Variants in SMG6 observed in about 807,000 individuals in gnomAD.
The protein encoded by SMG6 is SMG6 nonsense mediated mRNA decay factor.
SMG6 carries 66 observed loss-of-function variants against 142.2 expected under a neutral mutation model. That is an observed-to-expected ratio of 0.46 (90% CI 0.38 to 0.57). The LOEUF is 0.57. Ranked by LOEUF, SMG6 falls within the 20% of genes least tolerant of loss-of-function variation. SMG6 has a pLI of 0.00. For missense variants in SMG6, 1,793 were observed against 1,832.0 expected (o/e 0.98, Z 0.39); for synonymous variants, 779 against 702.4 (o/e 1.11, Z -1.72).
intron 4 of SMG6, among the ~76,000 whole-genome samples, chr17:2,293,541 C>T (rs2075085785): frequency 6.6e-6 from 1 of 152,130 alleles, no homozygotes; most frequent in Admixed American, 6.5e-5. Context: ...GTGATCTCAG[C>T]TCACTGCAAC....
intron 8 of SMG6, among the ~76,000 whole-genome samples, chr17:2,256,362 C>T (rs530093886): frequency 2.6e-5 from 4 of 152,056 alleles, no homozygotes; most frequent in Admixed American, 2.6e-4. Context: ...GATTGTCATT[C>T]CACACTTGGA....
At chr17:2,137,686 ATGGGACT>A (rs1270271657) in intron 13 of SMG6, among the ~76,000 whole-genome samples, 1 of 152,146 alleles carries the variant, frequency 6.6e-6, no homozygotes, top group African/African-American at 2.4e-5. Flanking sequence ...AGAAAGCGCC[ATGGGACT>A]AGGTCTTGAG....
intron 10 of SMG6, among the ~76,000 whole-genome samples, chr17:2,221,812 C>T (rs181912305): frequency 1.3e-5 from 2 of 152,258 alleles, no homozygotes; most frequent in African/African-American, 4.8e-5. Flanking sequence ...GGGGTGATCT[C>T]GGCTCACTGC....
chr17:2,258,032 A>ATGT (rs1567724395), intron 8 of SMG6, among the ~76,000 whole-genome samples: 1 of 111,352 alleles, frequency 9.0e-6, no homozygotes, highest in Admixed American at 1.1e-4. Flanking sequence ...AAAAAAAAAA[A>ATGT]AAATATACAC....
At chr17:2,247,428 GA>G (rs2073950261) in intron 8 of SMG6, among the ~76,000 whole-genome samples, 1 of 152,138 alleles carries the variant, frequency 6.6e-6, no homozygotes, top group Non-Finnish European at 1.5e-5. Flanking sequence ...TTCATAATCA[GA>G]AGGAATCCCT....
chr17:2,115,516 A>T (rs1488534908), intron 13 of SMG6, among the ~76,000 whole-genome samples: 3 of 152,198 alleles, frequency 2.0e-5, no homozygotes, highest in African/African-American at 4.8e-5. Context: ...TTGGGGAAGA[A>T]GATACAGTAT....
chr17:2,282,508 G>GA, intron 8 of SMG6, 139 bp downstream of exon 8: 1 of 760,714 alleles, frequency 1.3e-6, no homozygotes, highest in Non-Finnish European at 2.2e-6. Context: ...CATGAGAAGG[G>GA]AAAAGACCAT....
intron 8 of SMG6, among the ~76,000 whole-genome samples, chr17:2,257,282 C>T (rs2074206407): frequency 6.6e-6 from 1 of 152,000 alleles, no homozygotes; most frequent in South Asian, 2.1e-4. Context: ...GACGGGATTT[C>T]ACCACGTTGG....
chr17:2,061,089 T>C lies in SMG6; in HGVS notation c.*403A>G, dbSNP rs1460857026. The C allele has an allele frequency of 5.8e-6, 1 of 173,620 alleles. No individual in the cohort carries two copies. The highest frequency in any genetic ancestry group is 1.3e-5 in the Non-Finnish European group (1 of 79,860). 10.8% of individuals were successfully genotyped at this position (173,620 alleles called of 1,614,324 possible). ...GAAAGGGAACTGTGATTTCACTGCA[T>C]CTGACGGAAACTCAGAACCCCTGCC... On this transcript the variant is annotated 3_prime_UTR_variant, in exon 19 of 19. Coordinates refer to ENST00000263073, the MANE Select transcript of SMG6 (RefSeq NM_017575.5).
At position 2,065,650 on chromosome 17, in the gene SMG6, C is replaced by G; in HGVS notation, c.3865G>C (p.Gly1289Arg). The change falls in exon 17 of 19, where the codon GGG (glycine) becomes CGG (arginine). Residue 1289 changes from glycine (G) to arginine (R), a missense_variant. Transcript: ENST00000263073. ...VINELDGLAK[G>R]QETDHRAGGY... is the part of the protein sequence containing the mutation. The stretch of plus-strand genomic sequence containing the variant: ...CCAGCCCGGTGGTCTGTCTCCTGCC[C>G]CTTGGCCAGGCCGTCCAGCTCATTG... 6.2e-7 allele frequency: 1 copy of G among 1,613,564 alleles called. No homozygotes were observed. Among genetic ancestry groups the G allele is most frequent in the Non-Finnish European group, 8.5e-7 (1 of 1,179,998 alleles).
chr17:2,156,812 C>A (rs940327830), intron 13 of SMG6, among the ~76,000 whole-genome samples: 2 of 152,158 alleles, frequency 1.3e-5, no homozygotes, highest in Non-Finnish European at 2.9e-5. Flanking sequence ...CAACGCCATG[C>A]CTGGCTAATT....
At chr17:2,271,679 C>T (rs1043477019) in intron 8 of SMG6, among the ~76,000 whole-genome samples, 14 of 151,978 alleles carry the variant, frequency 9.2e-5, no homozygotes, top group Admixed American at 5.9e-4. Flanking sequence ...CATACCATTG[C>T]ACTCCAGCCT....
chr17:2,217,928 T>C (rs1200478175), intron 10 of SMG6, among the ~76,000 whole-genome samples: 1 of 151,596 alleles, frequency 6.6e-6, no homozygotes, highest in Admixed American at 6.6e-5. Flanking sequence ...GAGAATCGCT[T>C]GAACCCGGGA....
At chr17:2,214,622 T>G (rs2072960977) in intron 10 of SMG6, among the ~76,000 whole-genome samples, 1 of 152,192 alleles carries the variant, frequency 6.6e-6, no homozygotes, top group Non-Finnish European at 1.5e-5. Flanking sequence ...ATAAAAGGTG[T>G]ATATTAAACA....
At chr17:2,151,317 A>G (rs2070817975) in intron 13 of SMG6, among the ~76,000 whole-genome samples, 1 of 152,262 alleles carries the variant, frequency 6.6e-6, no homozygotes, top group Non-Finnish European at 1.5e-5. Context: ...TTACAGTTTT[A>G]TATTCAATTG....
chr17:2,082,118 G>C (rs938338634), intron 14 of SMG6, 162 bp from the exon 15 acceptor site: 37 of 661,108 alleles, frequency 5.6e-5, no homozygotes, highest in Non-Finnish European at 8.5e-5. Context: ...CAGGCAAAGG[G>C]AGGTTGACAA....
chr17:2,091,883 CGT>C (rs1567590833), intron 13 of SMG6, among the ~76,000 whole-genome samples: 1 of 151,074 alleles, frequency 6.6e-6, no homozygotes, highest in Non-Finnish European at 1.5e-5. Context: ...GAGGTTTCAC[CGT>C]GTTAGCCAGG....
chr17:2,269,219 CAAA>C (rs746635212), intron 8 of SMG6, among the ~76,000 whole-genome samples: 961 of 82,620 alleles, frequency 0.012, 17 homozygotes, highest in African/African-American at 0.042. Flanking sequence ...GACTCCATCT[CAAA>C]AAAAAAAAAA....
In SMG6 at chr17:2,085,575, A is replaced by G. The variant is rs1205741407; in HGVS notation, c.3534+150T>C. ...GGGTGGACTGGCAGGAAGGGGCACC[A>G]TCAGAGCACACTCTCGAGAAGCTGG... On this transcript the variant is annotated intron_variant, in intron 14 of 18. Coordinates refer to ENST00000263073, the MANE Select transcript of SMG6 (RefSeq NM_017575.5). The surrounding 1 kb of genome is among the most constrained non-coding windows in gnomAD (Gnocchi z 4.1). 3.9e-6 allele frequency: 3 copies of G among 779,120 alleles called. No individual in the cohort carries two copies. The highest frequency in any genetic ancestry group is 3.5e-5 in the African/African-American group (2 of 57,188). The allele number at this position is 779,120 out of a possible 1,614,324, so 48.3% of individuals were successfully genotyped here.
Sources: allele counts gnomAD v4.1 joint callset (sites outside exome capture counted in the v4.1 genomes callset), GRCh38; gene constraint gnomAD v4.1.1; non-coding constraint Gnocchi (gnomAD v3.1); transcripts MANE v1.5; gene names NCBI Gene and HGNC (gene_info 2026-07-23, HGNC 2026-07-21).